The following ATP8A1 variants were observed in gnomAD, a reference collection of about 807,000 sequenced individuals.
ATP8A1 encodes ATPase phospholipid transporting 8A1.
ATP8A1 carries 90 observed loss-of-function variants against 177.7 expected under a neutral mutation model. That is an observed-to-expected ratio of 0.51 (90% CI 0.43 to 0.60). ATP8A1 has a LOEUF of 0.60. ATP8A1 is among the 20% of genes least tolerant of loss of function. The pLI is 0.00. For missense variants in ATP8A1, 1,072 were observed against 1,392.8 expected (o/e 0.77, Z 3.67); for synonymous variants, 493 against 485.9 (o/e 1.01, Z -0.19).
intron 4 of ATP8A1, among the ~76,000 whole-genome samples, chr4:42,622,666 C>T (rs1397083490): frequency 2.0e-5 from 3 of 152,058 alleles, no homozygotes; most frequent in Non-Finnish European, 2.9e-5. Context: ...GTCTAATATC[C>T]GGCATCTACA....
In ATP8A1 at chr4:42,506,938, A is replaced by C. The variant is rs568840461; in HGVS notation, c.2086+78T>G. On this transcript the variant is annotated intron_variant, in intron 23 of 36. Transcript: ENST00000381668. ...CATATCAAATCTTTTAGATCTTGAA[A>C]TGTCTCAAATCCATCTTCTGAACTA... 4 of 1,478,266 alleles carry C rather than the reference A, an allele frequency of 2.7e-6. No homozygotes were observed. In the East Asian group the frequency reaches 6.9e-5, roughly 25 times the overall value. The allele number at this position is 1,478,266 out of a possible 1,614,324, so 91.6% of individuals were successfully genotyped here.
intron 24 of ATP8A1, among the ~76,000 whole-genome samples, chr4:42,486,185 C>T (rs1722184375): frequency 6.6e-6 from 1 of 152,180 alleles, no homozygotes; most frequent in Non-Finnish European, 1.5e-5. Context: ...GGAATGGGAC[C>T]TCACATTCTG....
intron 16 of ATP8A1, among the ~76,000 whole-genome samples, chr4:42,554,539 C>T (rs1040363059): frequency 1.3e-5 from 2 of 152,194 alleles, no homozygotes; most frequent in African/African-American, 4.8e-5. Flanking sequence ...TAGCAACATA[C>T]TGATAGGGCC....
chr4:42,446,698 T>A, intron 30 of ATP8A1, 54 bp from the exon 31 acceptor site: 1 of 1,515,800 alleles, frequency 6.6e-7, no homozygotes, highest in Non-Finnish European at 9.1e-7. Flanking sequence ...TTTCAGAATC[T>A]TTTCAAAGAT....
intron 9 of ATP8A1, among the ~76,000 whole-genome samples, chr4:42,584,501 G>A (rs1733422391): frequency 1.3e-5 from 2 of 152,156 alleles, no homozygotes; most frequent in African/African-American, 4.8e-5. Flanking sequence ...CAGTCTCATT[G>A]TACTTGACCA....
chr4:42,597,811 TAAATA>T (rs770103075), intron 6 of ATP8A1, among the ~76,000 whole-genome samples: 35 of 152,182 alleles, frequency 2.3e-4, no homozygotes, highest in Admixed American at 1.1e-3. Flanking sequence ...CAATAGTATG[TAAATA>T]AAATATTTCA....
chr4:42,542,384 C>T (rs1342769063), intron 20 of ATP8A1, among the ~76,000 whole-genome samples: 1 of 151,954 alleles, frequency 6.6e-6, no homozygotes, highest in Non-Finnish European at 1.5e-5. Flanking sequence ...GTTTTGTAAA[C>T]TGGACATTTA....
intron 5 of ATP8A1, among the ~76,000 whole-genome samples, chr4:42,613,003 T>G (rs549337692): frequency 2.3e-4 from 35 of 152,218 alleles, no homozygotes; most frequent in Admixed American, 1.2e-3. Context: ...GCTTCAGATG[T>G]CCATCAAAAA....
chr4:42,574,469 A>C, intron 14 of ATP8A1, 150 bp downstream of exon 14: 1 of 645,568 alleles, frequency 1.5e-6, no homozygotes, highest in East Asian at 3.1e-5. Flanking sequence ...CGCGAAATAT[A>C]CATGTGTCCT....
intron 33 of ATP8A1, among the ~76,000 whole-genome samples, chr4:42,431,974 G>A (rs940456348): frequency 2.6e-5 from 4 of 152,132 alleles, no homozygotes; most frequent in Non-Finnish European, 4.4e-5. Context: ...CTTTCCAACC[G>A]CATTGTGGCT....
chr4:42,429,950 G>A (rs1715081713), intron 33 of ATP8A1, among the ~76,000 whole-genome samples: 1 of 152,196 alleles, frequency 6.6e-6, no homozygotes, highest in Non-Finnish European at 1.5e-5. Flanking sequence ...GCCCAATGGT[G>A]ACTGCTAGGG....
chr4:42,622,805 T>A (rs1191877174), intron 4 of ATP8A1, among the ~76,000 whole-genome samples: 3 of 151,138 alleles, frequency 2.0e-5, no homozygotes, highest in Admixed American at 6.6e-5. Context: ...AGGTCGGGAG[T>A]TCGAGACCAG....
At chr4:42,645,685 T>C (rs149802730) in intron 1 of ATP8A1, among the ~76,000 whole-genome samples, 1 of 152,316 alleles carries the variant, frequency 6.6e-6, no homozygotes, top group East Asian at 1.9e-4. Flanking sequence ...CCTGTCCACA[T>C]TGGACACACT....
In ATP8A1 at chr4:42,578,373, T is replaced by G. The variant is rs757447863; in HGVS notation, c.1015A>C (p.Asn339His). The G allele has an allele frequency of 1.2e-6, 2 of 1,612,062 alleles. No individual in the cohort carries two copies. Among genetic ancestry groups the G allele is most frequent in the South Asian group, 2.2e-5 (2 of 90,702 alleles). The change falls in exon 12 of 37, where the codon AAT becomes CAT. Residue 339 changes from asparagine to histidine, a missense_variant. This residue lies in a region of ATP8A1 where 20 missense variants were observed against 51.3 expected (regional missense o/e 0.39). Transcript: ENST00000381668. ...AAGGTCAAGAAATTCAGTCCAAAAT[T>G]ACTAGCGCCACCATCTGTTGGGAGA... ...YLNLNYGGAS[N>H]FGLNFLTFII...
At position 42,590,925 on chromosome 4, in the gene ATP8A1, A is replaced by T. The variant is rs752923278; in HGVS notation, c.451-41T>A. On this transcript the variant is annotated intron_variant, in intron 6 of 36. Transcript: ENST00000381668. The stretch of plus-strand genomic sequence containing the variant: ...TAAAATAATTAAAATGGCCAAAAAA[A>T]AAAATGAACAGAGGAAAAAAAACAA... The T allele has an allele frequency of 1.0e-4, 158 of 1,539,928 alleles. No homozygotes were observed. The African/African-American group carries it at 1.8e-3, about 18-fold the overall frequency.
At chr4:42,542,353 A>G (rs1728480962) in intron 20 of ATP8A1, among the ~76,000 whole-genome samples, 1 of 152,168 alleles carries the variant, frequency 6.6e-6, no homozygotes, top group Admixed American at 6.6e-5. Flanking sequence ...TCCAAACTAT[A>G]CAAGAAAGGA....
intron 33 of ATP8A1, among the ~76,000 whole-genome samples, chr4:42,434,278 T>C (rs1319159111): frequency 2.0e-5 from 3 of 152,304 alleles, no homozygotes; most frequent in South Asian, 4.1e-4. Context: ...GTGTTCAATA[T>C]ATTTACTTGT....
At chr4:42,446,519 TA>T in intron 31 of ATP8A1, 63 bp downstream of exon 31, 2 of 1,511,408 alleles carry the variant, frequency 1.3e-6, no homozygotes. Context: ...AATTTAAAAA[TA>T]AAATGAGGAC....
chr4:42,576,504 AAAG>A (rs1356317608), intron 12 of ATP8A1, among the ~76,000 whole-genome samples: 9 of 150,090 alleles, frequency 6.0e-5, no homozygotes, highest in African/African-American at 2.0e-4. Context: ...AAAAAAAAAA[AAAG>A]AGCATAGTTT....
Sources: allele counts gnomAD v4.1 joint callset (sites outside exome capture counted in the v4.1 genomes callset), GRCh38; gene constraint gnomAD v4.1.1; regional missense constraint gnomAD v4.1.1; transcripts MANE v1.5; gene names NCBI Gene and HGNC (gene_info 2026-07-23, HGNC 2026-07-21).